The following COL25A1 variants were observed in gnomAD, a reference collection of about 807,000 sequenced individuals.
The protein encoded by COL25A1 is collagen type XXV alpha 1 chain.
COL25A1 carries 103 observed loss-of-function variants against 128.4 expected under a neutral mutation model. The ratio of observed to expected loss-of-function variants is 0.80; its 90% CI spans 0.68 to 0.94. The LOEUF (loss-of-function observed/expected upper bound fraction) is 0.94, where lower values mean the gene tolerates loss of function less well. Ranked by LOEUF, COL25A1 falls within the 40% of genes least tolerant of loss-of-function variation. The pLI, the probability that COL25A1 is intolerant of heterozygous loss-of-function variation, is 0.00. For missense variants in COL25A1, 745 were observed against 840.0 expected (o/e 0.89, Z 1.40); for synonymous variants, 279 against 277.2 (o/e 1.01, Z -0.06).
intron 3 of COL25A1, among the ~76,000 whole-genome samples, chr4:109,148,789 GC>G (rs1771193554): frequency 6.6e-6 from 1 of 152,012 alleles, no homozygotes; most frequent in Non-Finnish European, 1.5e-5. Flanking sequence ...TTCCCCTGCT[GC>G]CCCTCCTCCA....
At chr4:108,973,667 G>A (rs886140318) in intron 8 of COL25A1, among the ~76,000 whole-genome samples, 3 of 152,050 alleles carry the variant, frequency 2.0e-5, no homozygotes, top group Admixed American at 1.3e-4. Flanking sequence ...TATGTCGAAC[G>A]GAGCCACTAC....
At chr4:109,240,936 C>A (rs573168867) in intron 3 of COL25A1, among the ~76,000 whole-genome samples, 1 of 149,914 alleles carries the variant, frequency 6.7e-6, no homozygotes, top group Non-Finnish European at 1.5e-5. Context: ...ATGGAGAGTA[C>A]AAAATAATTT....
intron 3 of COL25A1, among the ~76,000 whole-genome samples, chr4:109,139,414 C>G (rs1770158745): frequency 1.3e-5 from 2 of 152,078 alleles, no homozygotes; most frequent in Admixed American, 1.3e-4. Context: ...TGCCTATGTC[C>G]TGAATGGTAT....
chr4:109,101,068 A>G (rs1255025520), intron 3 of COL25A1, among the ~76,000 whole-genome samples: 1 of 152,242 alleles, frequency 6.6e-6, no homozygotes, highest in Non-Finnish European at 1.5e-5. Flanking sequence ...GATAAAGATC[A>G]AAGTGGAATA....
intron 24 of COL25A1, among the ~76,000 whole-genome samples, chr4:108,855,191 G>GT (rs35873529): frequency 0.091 from 11,930 of 131,618 alleles, 646 homozygotes; most frequent in African/African-American, 0.15. Flanking sequence ...TGTTGTTACT[G>GT]TTTTTTTTTT....
intron 6 of COL25A1, among the ~76,000 whole-genome samples, chr4:108,975,417 C>T (rs749733941): frequency 6.6e-6 from 1 of 152,252 alleles, no homozygotes; most frequent in Non-Finnish European, 1.5e-5. Flanking sequence ...GATTGTGCCA[C>T]TGCACTCCAG....
intron 3 of COL25A1, among the ~76,000 whole-genome samples, chr4:109,232,660 G>GAT (rs1269061523): frequency 1.3e-5 from 2 of 152,076 alleles, no homozygotes; most frequent in African/African-American, 4.8e-5. Flanking sequence ...TTCTTTCTGA[G>GAT]ATATATATAA....
chr4:108,980,868 G>T (rs77394064), intron 6 of COL25A1, among the ~76,000 whole-genome samples: 1 of 152,222 alleles, frequency 6.6e-6, no homozygotes, highest in East Asian at 1.9e-4. Context: ...GTCTGATGTG[G>T]ATCTTCTTTC....
chr4:109,113,501 C>T (rs1448181639), intron 3 of COL25A1, among the ~76,000 whole-genome samples: 2 of 152,066 alleles, frequency 1.3e-5, no homozygotes, highest in East Asian at 3.9e-4. Context: ...CTCATGTGTC[C>T]ATTTTGATAT....
At chr4:108,850,330 A>C (rs1178496964) in intron 26 of COL25A1, among the ~76,000 whole-genome samples, 1 of 152,150 alleles carries the variant, frequency 6.6e-6, no homozygotes, top group Non-Finnish European at 1.5e-5. Flanking sequence ...TCTGTACTTG[A>C]CTCAGGCTAC....
rs141162141 is a variant in COL25A1, at chr4:108,960,353, A to G, written c.492+14014T>C. 4.0e-3 allele frequency among the ~76,000 whole-genome samples: 605 copies of G among 152,282 alleles called. 4 individuals carry two copies. The highest frequency in any genetic ancestry group is 6.8e-3 in the Non-Finnish European group (463 of 67,974). On this transcript the variant is annotated intron_variant, in intron 8 of 37. Transcript: ENST00000399132. ...CACCAAAGAAATGTAAAACATTAAT[A>G]AAAATGGTTAAATTGTAGCTAGTGG... is the stretch of plus-strand genomic sequence containing the variant.
chr4:108,904,961 A>C (rs1743300205), intron 13 of COL25A1, among the ~76,000 whole-genome samples: 1 of 152,132 alleles, frequency 6.6e-6, no homozygotes, highest in African/African-American at 2.4e-5. Flanking sequence ...AACATCACTC[A>C]AGGCCATACA....
At chr4:109,065,301 G>A (rs1242807235) in intron 3 of COL25A1, among the ~76,000 whole-genome samples, 1 of 152,172 alleles carries the variant, frequency 6.6e-6, no homozygotes, top group Non-Finnish European at 1.5e-5. Flanking sequence ...CTGTTTAGAA[G>A]TAGGAACACT....
chr4:109,215,339 T>C (rs1404665821), intron 3 of COL25A1, among the ~76,000 whole-genome samples: 1 of 152,184 alleles, frequency 6.6e-6, no homozygotes, highest in Non-Finnish European at 1.5e-5. Context: ...CCAGCTTTCA[T>C]GACTCACATC....
chr4:109,160,775 C>A (rs1351297248), intron 3 of COL25A1, among the ~76,000 whole-genome samples: 1 of 152,098 alleles, frequency 6.6e-6, no homozygotes, highest in African/African-American at 2.4e-5. Context: ...GAGGAAAGAA[C>A]TAAAAATTCT....
chr4:109,001,372 C>CCGGCATCTGAGATCCTGTCAGGT (rs1755345803), intron 6 of COL25A1, among the ~76,000 whole-genome samples: 2 of 24,230 alleles, frequency 8.3e-5, no homozygotes, highest in South Asian at 2.3e-3. Flanking sequence ...TTAAAAGAAA[C>CCGGCATCTGAGATCCTGTCAGGT]AGGCATCTGA....
At chr4:108,824,031 G>T in intron 35 of COL25A1, 143 bp downstream of exon 35, 1 of 1,610,362 alleles carries the variant, frequency 6.2e-7, no homozygotes, top group South Asian at 1.1e-5. Context: ...CTGAAGACCT[G>T]ATTCCTTAAA....
intron 3 of COL25A1, among the ~76,000 whole-genome samples, chr4:109,091,614 T>C (rs2126009125): frequency 6.6e-6 from 1 of 152,186 alleles, no homozygotes; most frequent in Middle Eastern, 3.4e-3. Context: ...CTCAAGAGCA[T>C]ATATCACTTC....
chr4:109,093,794 T>C (rs1765163680), intron 3 of COL25A1, among the ~76,000 whole-genome samples: 1 of 152,234 alleles, frequency 6.6e-6, no homozygotes, highest in Non-Finnish European at 1.5e-5. Flanking sequence ...AAAGCATGTT[T>C]TACACTAATT....
Sources: allele counts gnomAD v4.1 joint callset (sites outside exome capture counted in the v4.1 genomes callset), GRCh38; gene constraint gnomAD v4.1.1; transcripts MANE v1.5; gene names NCBI Gene and HGNC (gene_info 2026-07-23, HGNC 2026-07-21).